Variants in RC3H1 observed in about 807,000 individuals in gnomAD.
The protein encoded by RC3H1 is ring finger and CCCH-type domains 1.
A neutral mutation model predicts 138.2 loss-of-function variants in RC3H1; 50 were observed. The ratio of observed to expected loss-of-function variants is 0.36; its 90% confidence interval spans 0.29 to 0.46. The LOEUF is 0.46. Among genes scored for constraint, RC3H1 ranks in the 20% least tolerant of loss-of-function variants. The pLI is 1.00. For missense variants in RC3H1, 1,031 were observed against 1,388.1 expected (o/e 0.74, Z 4.09); for synonymous variants, 462 against 489.1 (o/e 0.94, Z 0.73).
At chr1:173,946,422 A>C in intron 17 of RC3H1, 54 bp downstream of exon 17, 2 of 1,549,046 alleles carry the variant, frequency 1.3e-6, no homozygotes, top group South Asian at 1.2e-5. Flanking sequence ...TTCCTATTTA[A>C]AATCTCTGAG....
chr1:173,990,085 A>T (rs1228466561), intron 2 of RC3H1, among the ~76,000 whole-genome samples: 13 of 141,758 alleles, frequency 9.2e-5, no homozygotes, highest in Admixed American at 1.4e-4. Context: ...ATAGTTTTAC[A>T]TTTTTTTTTT....
In RC3H1 at chr1:173,998,233, C is replaced by T. The variant is rs1175260226; in HGVS notation, c.-150-5098G>A. ...GCAGATAAACTGTTGGGGGTCAGGC[C>T]AAATCTAGTTCATTAGGAGTATTTC... On this transcript the variant is annotated intron_variant, in intron 1 of 19. Transcript: ENST00000367696. Among the ~76,000 whole-genome samples, 5 of 152,164 alleles carry T rather than the reference C, an allele frequency of 3.3e-5. No homozygotes were observed. In the East Asian group the frequency reaches 7.7e-4, roughly 23 times the overall value.
At chr1:173,992,727 T>G in intron 2 of RC3H1, 28 bp downstream of exon 2, 1 of 1,495,600 alleles carries the variant, frequency 6.7e-7, no homozygotes, top group Non-Finnish European at 9.2e-7. Flanking sequence ...GAGGGAGAAA[T>G]TTAAAAGTAT....
chr1:173,942,237 G>A (rs1377075950), intron 18 of RC3H1, among the ~76,000 whole-genome samples: 117 of 144,258 alleles, frequency 8.1e-4, no homozygotes, highest in African/African-American at 2.7e-3. Context: ...GCGAGACTCC[G>A]CCTCAAAAAA....
chr1:174,014,086 C>T (rs984554685), intron 1 of RC3H1, among the ~76,000 whole-genome samples: 5 of 152,134 alleles, frequency 3.3e-5, no homozygotes, highest in African/African-American at 1.2e-4. Context: ...GTAAGTGGAA[C>T]ATGGGACATT....
At chr1:173,942,949 A>C (rs1468804885) in intron 18 of RC3H1, among the ~76,000 whole-genome samples, 6 of 152,332 alleles carry the variant, frequency 3.9e-5, no homozygotes, top group Middle Eastern at 3.4e-3. Flanking sequence ...GCAAATCCTA[A>C]GCATATTAAT....
chr1:174,005,247 G>A (rs1661632687), intron 1 of RC3H1, among the ~76,000 whole-genome samples: 1 of 152,150 alleles, frequency 6.6e-6, no homozygotes, highest in African/African-American at 2.4e-5. Context: ...CCTAAAACCA[G>A]TCCTAATTTG....
intron 1 of RC3H1, among the ~76,000 whole-genome samples, chr1:173,996,464 A>G (rs764581465): frequency 5.3e-5 from 8 of 152,188 alleles, no homozygotes; most frequent in Non-Finnish European, 1.2e-4. Context: ...GAATTAATCA[A>G]CTTGAACAAT....
At chr1:173,939,081 T>C (rs1489315096) in intron 19 of RC3H1, among the ~76,000 whole-genome samples, 1 of 152,104 alleles carries the variant, frequency 6.6e-6, no homozygotes, top group African/African-American at 2.4e-5. Context: ...TTTTTGTAAC[T>C]AAAGTTTTAT....
At chr1:173,974,277 C>CAAAAAAAAA (rs571801899) in intron 7 of RC3H1, among the ~76,000 whole-genome samples, 2 of 47,192 alleles carry the variant, frequency 4.2e-5, no homozygotes, top group Non-Finnish European at 7.7e-5. Flanking sequence ...GAGACTGTCT[C>CAAAAAAAAA]AAAAAAAAAA....
In RC3H1 at chr1:173,937,861, G is replaced by A. The variant is rs1278720140; in HGVS notation, c.*860C>T. Reference sequence around the variant, plus strand: ...TCAAATTTCCAACCATGAGCTGAACGCAGGCGAAACACCAAACATGTATTT... The same window carrying A: ...TCAAATTTCCAACCATGAGCTGAACACAGGCGAAACACCAAACATGTATTT... On this transcript the variant is annotated 3_prime_UTR_variant, in exon 20 of 20. Transcript: ENST00000367696. 7 of 152,138 alleles carry A rather than the reference G, an allele frequency of 4.6e-5. No homozygotes were observed. The East Asian group carries it at 7.7e-4, about 17-fold the overall frequency. 9.4% of individuals were successfully genotyped at this position (152,138 alleles called of 1,614,324 possible). A position where few individuals can be genotyped will look rare whatever the true frequency, so the allele number is the denominator to read the frequency against.
At chr1:173,969,995 T>G (rs1660281960) in intron 9 of RC3H1, among the ~76,000 whole-genome samples, 1 of 152,170 alleles carries the variant, frequency 6.6e-6, no homozygotes. Context: ...TCTATAGGCA[T>G]GATGCAATAA....
chr1:173,934,529 GCTA>G lies in RC3H1; in HGVS notation c.*4189_*4191del, dbSNP rs1461282737. The G allele has an allele frequency of 1.3e-5, 2 of 152,114 alleles. No homozygotes were observed. Among genetic ancestry groups the G allele is most frequent in the South Asian group, 2.1e-4 (1 of 4,828 alleles). The allele number at this position is 152,114 out of a possible 1,614,324, so 9.4% of individuals were successfully genotyped here. ...ACTAAAAGGTTTCATGATCAAAATG[GCTA>G]CTACTTCCCCCAAAACCAAAACAGA... is the stretch of plus-strand genomic sequence containing the variant. On this transcript the variant is annotated 3_prime_UTR_variant, in exon 20 of 20. Coordinates refer to ENST00000367696, the MANE Select transcript of RC3H1 (RefSeq NM_172071.4).
Position 173,937,139 on chromosome 1 carries a change from G to A in RC3H1, c.*1582C>T, listed in dbSNP as rs944609345. ...TGCTACTCAAAAGAGTGTTCTGTTT[G>A]GACTCTCCTACTGGTAGGCAATGGC... On this transcript the variant is annotated 3_prime_UTR_variant, in exon 20 of 20. Transcript: ENST00000367696. 1 of 152,178 alleles carries A rather than the reference G, an allele frequency of 6.6e-6. No individual in the cohort carries two copies. The highest frequency in any genetic ancestry group is 1.5e-5 in the Non-Finnish European group (1 of 67,946). 9.4% of individuals were successfully genotyped at this position (152,178 alleles called of 1,614,324 possible).
intron 1 of RC3H1, among the ~76,000 whole-genome samples, chr1:174,011,006 C>A (rs1206058150): frequency 6.6e-6 from 1 of 152,052 alleles, no homozygotes; most frequent in Non-Finnish European, 1.5e-5. Context: ...TTTATGGATG[C>A]CTTTGTAAGA....
intron 3 of RC3H1, 112 bp from the exon 4 acceptor site, chr1:173,983,769 G>A (rs1273356901): frequency 9.8e-7 from 1 of 1,025,228 alleles, no homozygotes; most frequent in African/African-American, 1.6e-5. Flanking sequence ...GGGACTACTA[G>A]AGTATTTAAA....
At chr1:173,998,595 T>G (rs1661505905) in intron 1 of RC3H1, among the ~76,000 whole-genome samples, 1 of 152,228 alleles carries the variant, frequency 6.6e-6, no homozygotes, top group Non-Finnish European at 1.5e-5. Flanking sequence ...TATTCAGTTA[T>G]ATGCCTTGTT....
At chr1:173,966,468 C>T (rs745713846) in intron 9 of RC3H1, among the ~76,000 whole-genome samples, 22 of 152,154 alleles carry the variant, frequency 1.4e-4, no homozygotes, top group Non-Finnish European at 2.9e-4. Flanking sequence ...GTAATCCCAG[C>T]ACTTTGGGAG....
chr1:173,990,576 T>TA lies in RC3H1; in HGVS notation c.231+2178_231+2179insT, dbSNP rs1358211437. Among the ~76,000 whole-genome samples the TA allele has an allele frequency of 4.8e-3, 691 of 142,924 alleles. 3 individuals carry two copies. The highest frequency in any genetic ancestry group is 0.017 in the African/African-American group (650 of 38,904). The allele number at this position is 142,924 out of a possible 152,430, so 93.8% of individuals were successfully genotyped here. On this transcript the variant is annotated intron_variant, in intron 2 of 19. Coordinates refer to ENST00000367696, the MANE Select transcript of RC3H1 (RefSeq NM_172071.4). ...GTAAGAAAAGTATTATTATTATTATTTATTTTTTTTTTTTGAGACAGAGTG... is the reference window on the plus strand; with the variant it reads ...GTAAGAAAAGTATTATTATTATTATTATATTTTTTTTTTTTGAGACAGAGTG...
Sources: allele counts gnomAD v4.1 joint callset (sites outside exome capture counted in the v4.1 genomes callset), GRCh38; gene constraint gnomAD v4.1.1; transcripts MANE v1.5; gene names NCBI Gene and HGNC (gene_info 2026-07-23, HGNC 2026-07-21).